The following ACOXL variants were observed in gnomAD, a reference collection of about 807,000 sequenced individuals.
The protein encoded by ACOXL is acyl-coenzyme A oxidase-like protein.
In ACOXL, 70 loss-of-function variants were observed where a neutral mutation model predicts 71.9. That is an observed-to-expected ratio of 0.97 (90% CI 0.80 to 1.19). ACOXL has a LOEUF of 1.19. ACOXL is among the 50% of genes most tolerant of loss of function. The pLI is 0.00. For missense variants in ACOXL, 703 were observed against 736.3 expected, an observed-to-expected ratio of 0.95 and a Z score of 0.52; for synonymous variants, 253 against 281.6, an observed-to-expected ratio of 0.90 and a Z score of 1.02.
chr2:110,746,097 A>G (rs557747443), intron 1 of ACOXL, among the ~76,000 whole-genome samples: 2 of 152,304 alleles, frequency 1.3e-5, no homozygotes, highest in Admixed American at 1.3e-4. Flanking sequence ...TTCTCACTCT[A>G]CAAGTAAAGC....
intron 14 of ACOXL, among the ~76,000 whole-genome samples, chr2:111,001,739 G>GAT (rs1462588445): frequency 6.6e-6 from 1 of 152,188 alleles, no homozygotes; most frequent in Non-Finnish European, 1.5e-5. Flanking sequence ...AAAGGGAGAG[G>GAT]ATCTGTACTT....
chr2:110,920,351 T>C (rs2060020267), intron 11 of ACOXL, among the ~76,000 whole-genome samples: 1 of 152,246 alleles, frequency 6.6e-6, no homozygotes, highest in Non-Finnish European at 1.5e-5. Context: ...TCTTTTCATG[T>C]ACTTATTTGC....
chr2:111,050,050 T>C (rs886375136), intron 16 of ACOXL, among the ~76,000 whole-genome samples: 9 of 152,162 alleles, frequency 5.9e-5, no homozygotes, highest in Non-Finnish European at 1.0e-4. Flanking sequence ...ACAGAAACCT[T>C]GCAGACTGAC....
chr2:110,799,053 G>C lies in ACOXL; in HGVS notation c.500G>C (p.Gly167Ala). 1 of 1,613,892 alleles carries C rather than the reference G, an allele frequency of 6.2e-7. No homozygotes were observed. The highest frequency in any genetic ancestry group is 8.5e-7 in the Non-Finnish European group (1 of 1,179,900). Residue 167 changes from glycine (G) to alanine (A), a missense_variant, in exon 7 of 18, where the codon GGA becomes GCA. Coordinates refer to ENST00000439055, the MANE Select transcript of ACOXL (RefSeq NM_001142807.4). ...ATCGTTCCTGTCCGGGATGAAAACG[G>C]AAGCTTGTACCCAGGAGTCACAGCT... is the stretch of plus-strand genomic sequence containing the variant. ...CFIVPVRDEN[G>A]SLYPGVTAID...
chr2:111,092,756 C>T (rs1019174257), intron 16 of ACOXL, 109 bp from the exon 17 acceptor site: 11 of 777,770 alleles, frequency 1.4e-5, no homozygotes, highest in South Asian at 7.2e-5. Flanking sequence ...TTAACTTTTA[C>T]GATTTTATGA....
At chr2:110,868,427 G>A (rs921630169) in intron 10 of ACOXL, among the ~76,000 whole-genome samples, 1 of 152,176 alleles carries the variant, frequency 6.6e-6, no homozygotes, top group Non-Finnish European at 1.5e-5. Flanking sequence ...GCCATCAACA[G>A]TGCATGTGAG....
intron 10 of ACOXL, among the ~76,000 whole-genome samples, chr2:110,842,641 T>C (rs1691315214): frequency 6.6e-6 from 1 of 152,050 alleles, no homozygotes; most frequent in African/African-American, 2.4e-5. Flanking sequence ...GGGTGGGGGA[T>C]TGGGGACTTA....
chr2:110,886,969 C>T (rs990586153), intron 10 of ACOXL: 1 of 1,212,196 alleles, frequency 8.2e-7, no homozygotes, highest in Non-Finnish European at 1.1e-6. Context: ...CTGCACTATC[C>T]CAAACTTTTT....
At chr2:110,960,458 C>T (rs2149445014) in intron 12 of ACOXL, among the ~76,000 whole-genome samples, 1 of 152,252 alleles carries the variant, frequency 6.6e-6, no homozygotes, top group Admixed American at 6.5e-5. Context: ...TGGCCCTCCT[C>T]CTCTCACAAC....
chr2:110,828,968 C>A lies in ACOXL; in HGVS notation c.754-12403C>A, dbSNP rs187159591. Among the ~76,000 whole-genome samples, 3 of 152,140 alleles carry A rather than the reference C, an allele frequency of 2.0e-5. No individual in the cohort carries two copies. In the East Asian group the frequency reaches 5.8e-4, roughly 29 times the overall value. On this transcript the variant is annotated intron_variant, in intron 9 of 17. Transcript: ENST00000439055. Reference sequence around the variant, plus strand: ...CTGGGATTACAGGCATGCACCACCACGTCCAGCTAATTTTGTATTTTTAGT... The same window carrying A: ...CTGGGATTACAGGCATGCACCACCAAGTCCAGCTAATTTTGTATTTTTAGT...
chr2:110,848,084 G>C (rs1160913507), intron 10 of ACOXL, among the ~76,000 whole-genome samples: 1 of 152,200 alleles, frequency 6.6e-6, no homozygotes, highest in Non-Finnish European at 1.5e-5. Context: ...GAAAAGACCA[G>C]AACCACAGCC....
intron 15 of ACOXL, 104 bp downstream of exon 15, chr2:111,031,818 A>T: frequency 8.5e-7 from 1 of 1,170,264 alleles, no homozygotes; most frequent in Non-Finnish European, 1.3e-6. Context: ...CACACAGGGA[A>T]GGGACAGTCC....
chr2:110,837,695 C>T (rs1282527748), intron 9 of ACOXL, among the ~76,000 whole-genome samples: 5 of 152,056 alleles, frequency 3.3e-5, no homozygotes. Flanking sequence ...GGAGCATTTT[C>T]AAGCTGAAGT....
chr2:111,027,542 G>A (rs2065072983), intron 14 of ACOXL, among the ~76,000 whole-genome samples: 1 of 151,320 alleles, frequency 6.6e-6, no homozygotes, highest in South Asian at 2.1e-4. Flanking sequence ...GGCTAGGCTC[G>A]AACTCCTGAC....
chr2:110,947,178 G>C (rs1041631567), intron 12 of ACOXL, among the ~76,000 whole-genome samples: 1 of 152,148 alleles, frequency 6.6e-6, no homozygotes, highest in African/African-American at 2.4e-5. Context: ...TGGCAGTTTC[G>C]CTTCGTTTCC....
At chr2:110,776,834 A>G (rs764092702) in intron 2 of ACOXL, among the ~76,000 whole-genome samples, 39 of 152,172 alleles carry the variant, frequency 2.6e-4, no homozygotes, top group Admixed American at 5.2e-4. Context: ...TGGCTTAGAA[A>G]TATACTATAT....
At chr2:110,753,846 A>G (rs1679319553) in intron 1 of ACOXL, among the ~76,000 whole-genome samples, 1 of 152,208 alleles carries the variant, frequency 6.6e-6, no homozygotes, top group Admixed American at 6.5e-5. Context: ...AAAGTATGAC[A>G]GTTATAATTG....
At position 110,761,654 on chromosome 2, in the gene ACOXL, C is replaced by T. The variant is rs72942177; in HGVS notation, c.-22-6714C>T. 1.5e-3 allele frequency among the ~76,000 whole-genome samples: 232 copies of T among 152,340 alleles called. 3 individuals carry two copies. The highest frequency in any genetic ancestry group is 5.4e-3 in the African/African-American group (225 of 41,574). ...CCTGCCATCCTACTGTACACCCATA[C>T]TGCCAGTTGCTGATGGTTTGCTTCC... On this transcript the variant is annotated intron_variant, in intron 1 of 17. Transcript: ENST00000439055.
At chr2:110,774,685 T>C (rs1682415200) in intron 2 of ACOXL, among the ~76,000 whole-genome samples, 1 of 152,192 alleles carries the variant, frequency 6.6e-6, no homozygotes, top group Admixed American at 6.5e-5. Flanking sequence ...ACAAATACAT[T>C]GAAAGGCATC....
Sources: allele counts gnomAD v4.1 joint callset (sites outside exome capture counted in the v4.1 genomes callset), GRCh38; gene constraint gnomAD v4.1.1; transcripts MANE v1.5; gene names NCBI Gene and HGNC (gene_info 2026-07-23, HGNC 2026-07-21).